GPC5: variants seen among roughly 807,000 people sequenced by gnomAD.
GPC5 encodes glypican-5.
Under a neutral mutation model 53.9 loss-of-function variants are expected in GPC5, and 47 were observed. The ratio of observed to expected loss-of-function variants is 0.87; its 90% CI spans 0.69 to 1.11. The LOEUF (loss-of-function observed/expected upper bound fraction) is 1.11, where lower values mean the gene tolerates loss of function less well. Ranked by LOEUF, GPC5 falls within the 50% of genes most tolerant of loss-of-function variation. The pLI is 0.00. For synonymous variants in GPC5, 286 were observed against 263.3 expected (o/e 1.09, Z -0.84); for missense variants, 748 against 713.1 (o/e 1.05, Z -0.56).
At chr13:92,104,053 A>C (rs1287296458) in intron 6 of GPC5, among the ~76,000 whole-genome samples, 2 of 152,134 alleles carry the variant, frequency 1.3e-5, no homozygotes, top group African/African-American at 4.8e-5. Flanking sequence ...CGGGGGAAAA[A>C]GGCTATTTGC....
intron 7 of GPC5, among the ~76,000 whole-genome samples, chr13:92,541,101 A>G (rs1881917674): frequency 6.6e-6 from 1 of 152,026 alleles, no homozygotes; most frequent in South Asian, 2.1e-4. Context: ...TATGAAGGTT[A>G]TGGCATAGTA....
In GPC5 at chr13:92,180,138, T is replaced by C. The variant is rs189420917; in HGVS notation, c.1561+35149T>C. On this transcript the variant is annotated intron_variant, in intron 7 of 7. Transcript: ENST00000377067. ...TTGGCAGTTTTTCTCCATGTGGTGG[T>C]CCAGGATACCCAGCTTATGCATGAA... is the stretch of plus-strand genomic sequence containing the variant. 2.0e-3 allele frequency among the ~76,000 whole-genome samples: 309 copies of C among 152,316 alleles called. 2 individuals carry two copies. The highest frequency in any genetic ancestry group is 0.011 in the South Asian group (51 of 4,828).
intron 7 of GPC5, among the ~76,000 whole-genome samples, chr13:92,511,218 G>A (rs1167511823): frequency 6.6e-6 from 1 of 152,054 alleles, no homozygotes; most frequent in Non-Finnish European, 1.5e-5. Flanking sequence ...AAGTAAATCT[G>A]CTATTTTTAG....
At position 92,304,446 on chromosome 13, in the gene GPC5, C is replaced by T. The variant is rs545624931; in HGVS notation, c.1561+159457C>T. On this transcript the variant is annotated intron_variant, in intron 7 of 7. Transcript: ENST00000377067. ...GTCTCGATCTCCTGACCTTGTGATC[C>T]GCCTGCCTCGGCATCCCAAAGTGCT... Among the ~76,000 whole-genome samples, 14 of 152,088 alleles carry T rather than the reference C, an allele frequency of 9.2e-5. No homozygotes were observed. In the East Asian group the frequency reaches 2.1e-3, roughly 23 times the overall value.
chr13:91,445,181 T>C (rs1427113023), intron 1 of GPC5, among the ~76,000 whole-genome samples: 1 of 152,226 alleles, frequency 6.6e-6, no homozygotes, highest in Admixed American at 6.5e-5. Context: ...CTTTCACCTT[T>C]TCACTTAAGC....
chr13:91,848,595 A>G (rs1242629464), intron 5 of GPC5, among the ~76,000 whole-genome samples: 1 of 152,200 alleles, frequency 6.6e-6, no homozygotes, highest in Non-Finnish European at 1.5e-5. Flanking sequence ...GGGAACAATG[A>G]AGAGGGTAGA....
chr13:92,025,023 C>T (rs913574174), intron 6 of GPC5, among the ~76,000 whole-genome samples: 3 of 152,088 alleles, frequency 2.0e-5, no homozygotes, highest in Non-Finnish European at 2.9e-5. Context: ...AAAATGAAAC[C>T]TTCAGTGGCA....
At position 92,684,042 on chromosome 13, in the gene GPC5, A is replaced by G. The variant is rs372775524; in HGVS notation, c.1562-182240A>G. On this transcript the variant is annotated intron_variant, in intron 7 of 7. Transcript: ENST00000377067. The stretch of plus-strand genomic sequence containing the variant: ...CACAGAATAATAGTTTAACTGCCCT[A>G]AAAATCCCCTGTGCTCTACCTAGTT... Among the ~76,000 whole-genome samples, 34 of 152,238 alleles carry G rather than the reference A, an allele frequency of 2.2e-4. No homozygotes were observed. In the East Asian group the frequency reaches 5.0e-3, roughly 23 times the overall value.
chr13:91,577,000 A>C (rs2032163163), intron 2 of GPC5, among the ~76,000 whole-genome samples: 1 of 151,980 alleles, frequency 6.6e-6, no homozygotes, highest in Non-Finnish European at 1.5e-5. Context: ...TTGTATCAGA[A>C]TTTTTGCATT....
chr13:92,437,094 T>C (rs550885701), intron 7 of GPC5, among the ~76,000 whole-genome samples: 1 of 152,296 alleles, frequency 6.6e-6, no homozygotes, highest in South Asian at 2.1e-4. Context: ...GAATACTTGC[T>C]TTGAAAAGCA....
intron 6 of GPC5, among the ~76,000 whole-genome samples, chr13:91,929,892 G>A (rs2039805644): frequency 6.6e-6 from 1 of 151,738 alleles, no homozygotes; most frequent in African/African-American, 2.4e-5. Context: ...ATTTTTCACG[G>A]TTTTCCAAAT....
intron 6 of GPC5, among the ~76,000 whole-genome samples, chr13:91,983,964 A>G (rs1011154419): frequency 3.9e-5 from 6 of 152,160 alleles, no homozygotes; most frequent in African/African-American, 7.2e-5. Flanking sequence ...TAGATTGCCA[A>G]TTTGGCTTCA....
chr13:92,045,992 T>C (rs1196968542), intron 6 of GPC5, among the ~76,000 whole-genome samples: 1 of 152,008 alleles, frequency 6.6e-6, no homozygotes, highest in Non-Finnish European at 1.5e-5. Context: ...GAGCCTGTAG[T>C]CCAAGCTACT....
At chr13:92,380,505 T>G (rs143378908) in intron 7 of GPC5, among the ~76,000 whole-genome samples, 1 of 151,996 alleles carries the variant, frequency 6.6e-6, no homozygotes, top group Non-Finnish European at 1.5e-5. Context: ...TGTGGCACTA[T>G]TCACAATAGC....
At chr13:92,647,760 A>G (rs1317389495) in intron 7 of GPC5, among the ~76,000 whole-genome samples, 2 of 152,156 alleles carry the variant, frequency 1.3e-5, no homozygotes, top group African/African-American at 2.4e-5. Flanking sequence ...AGAATAATGG[A>G]AGCTAACTCT....
intron 3 of GPC5, among the ~76,000 whole-genome samples, chr13:91,721,523 T>G (rs909608906): frequency 3.9e-5 from 6 of 152,196 alleles, no homozygotes; most frequent in Non-Finnish European, 8.8e-5. Context: ...GAGATCATGT[T>G]ACTGCCATGC....
At chr13:92,762,403 A>G (rs1204072797) in intron 7 of GPC5, among the ~76,000 whole-genome samples, 1 of 152,182 alleles carries the variant, frequency 6.6e-6, no homozygotes, top group Non-Finnish European at 1.5e-5. Context: ...AAACTATAAC[A>G]TACATAAATG....
intron 6 of GPC5, among the ~76,000 whole-genome samples, chr13:92,050,858 A>T (rs1482135012): frequency 1.3e-5 from 2 of 152,236 alleles, no homozygotes; most frequent in Non-Finnish European, 2.9e-5. Context: ...TGGCTTGAAG[A>T]AATATTGCAC....
chr13:92,139,416 C>T (rs973971270), intron 6 of GPC5, among the ~76,000 whole-genome samples: 3 of 152,064 alleles, frequency 2.0e-5, no homozygotes, highest in Non-Finnish European at 4.4e-5. Flanking sequence ...GCCTGTAATC[C>T]CAGCACTTTG....
Sources: allele counts gnomAD v4.1 joint callset (sites outside exome capture counted in the v4.1 genomes callset), GRCh38; gene constraint gnomAD v4.1.1; transcripts MANE v1.5; gene names NCBI Gene and HGNC (gene_info 2026-07-23, HGNC 2026-07-21).